Variants in TMC5 observed in about 807,000 individuals in gnomAD.
TMC5 encodes transmembrane channel-like protein 5.
A neutral mutation model predicts 110.5 loss-of-function variants in TMC5; 86 were observed. The observed-to-expected ratio is 0.78, with a 90% confidence interval of 0.65 to 0.93. The LOEUF (loss-of-function observed/expected upper bound fraction) is 0.93, where lower values mean the gene tolerates loss of function less well. TMC5 is among the 40% of genes least tolerant of loss of function. The pLI, the probability that TMC5 is intolerant of heterozygous loss-of-function variation, is 0.00. For missense variants in TMC5, 1,144 were observed against 1,222.8 expected (o/e 0.94, Z 0.96); for synonymous variants, 455 against 439.5 (o/e 1.04, Z -0.44).
chr16:19,487,701 C>CAATCAATA (rs1567326105), intron 17 of TMC5: 1 of 127,838 alleles, frequency 7.8e-6, no homozygotes, highest in East Asian at 2.3e-4. Context: ...GACTCTGTCT[C>CAATCAATA]AATAAATAAA....
chr16:19,455,477 G>A (rs545714505), intron 5 of TMC5, among the ~76,000 whole-genome samples: 1 of 152,132 alleles, frequency 6.6e-6, no homozygotes, highest in East Asian at 1.9e-4. Context: ...AGCATGGAGG[G>A]AGGAAGTGCA....
At chr16:19,486,769 G>A (rs1238859710) in intron 15 of TMC5, among the ~76,000 whole-genome samples, 176 bp from the exon 16 acceptor site, 4 of 152,080 alleles carry the variant, frequency 2.6e-5, no homozygotes, top group Non-Finnish European at 4.4e-5. Flanking sequence ...CAAAGGCCCT[G>A]TCTCCAAATA....
Position 19,490,806 on chromosome 16 carries a change from C to G in TMC5, c.2747+238C>G, listed in dbSNP as rs1212758743. ...CTCTTCTCTTCCCTTCCCCTCCCTC[C>G]CTCTCTTTCTCCCTTTCTCCCTTCC... is the stretch of plus-strand genomic sequence containing the variant. On this transcript the variant is annotated intron_variant, in intron 18 of 21. Coordinates refer to ENST00000542583, the MANE Select transcript of TMC5 (RefSeq NM_001261841.2). 2.1e-5 allele frequency among the ~76,000 whole-genome samples: 3 copies of G among 143,490 alleles called. No individual in the cohort carries two copies. In the East Asian group the frequency reaches 6.5e-4, roughly 31 times the overall value. The allele number at this position is 143,490 out of a possible 152,430, so 94.1% of individuals were successfully genotyped here.
chr16:19,422,945 C>A (rs1438171203), intron 1 of TMC5, among the ~76,000 whole-genome samples: 1 of 152,032 alleles, frequency 6.6e-6, no homozygotes, highest in Non-Finnish European at 1.5e-5. Flanking sequence ...GAGACTCAGT[C>A]TGGATGTTAA....
At chr16:19,445,583 G>A (rs888151747) in intron 4 of TMC5, among the ~76,000 whole-genome samples, 1 of 151,900 alleles carries the variant, frequency 6.6e-6, no homozygotes, top group African/African-American at 2.4e-5. Context: ...ACATGTTCCA[G>A]GAAGCCGTTT....
intron 5 of TMC5, among the ~76,000 whole-genome samples, chr16:19,451,835 G>C (rs530191658): frequency 6.6e-6 from 1 of 152,230 alleles, no homozygotes; most frequent in South Asian, 2.1e-4. Context: ...ATCTCACTCC[G>C]TTATTCAGGC....
At chr16:19,435,359 G>A (rs915751193) in intron 2 of TMC5, among the ~76,000 whole-genome samples, 2 of 151,558 alleles carry the variant, frequency 1.3e-5, no homozygotes, top group African/African-American at 4.8e-5. Context: ...AAAATTAGCC[G>A]GGCATGGTGG....
At chr16:19,443,587 T>A (rs1967538568) in intron 3 of TMC5, among the ~76,000 whole-genome samples, 1 of 152,364 alleles carries the variant, frequency 6.6e-6, no homozygotes, top group African/African-American at 2.4e-5. Context: ...AGGTACCCCA[T>A]GTTTTCCTCT....
chr16:19,440,444 G>A lies in TMC5; in HGVS notation c.406G>A (p.Asp136Asn), dbSNP rs1296358927. 2 of 1,614,066 alleles carry A rather than the reference G, an allele frequency of 1.2e-6. No homozygotes were observed. Among genetic ancestry groups the A allele is most frequent in the Admixed American group, 3.3e-5 (2 of 60,016 alleles). ...CTACCCTGGATCTCAACGAAATCCT[G>A]ATTTTGCAGGCTCCAGCAGCAGTGG... ...PDYPGSQRNPDFAGSSSSGNY... is the reference protein window; with the variant it reads ...PDYPGSQRNPNFAGSSSSGNY... The change falls in exon 3 of 22, where the codon GAT becomes AAT. Residue 136 changes from aspartate (D) to asparagine (N), a missense_variant. Coordinates refer to ENST00000542583, the MANE Select transcript of TMC5 (RefSeq NM_001261841.2).
intron 17 of TMC5, chr16:19,487,701 CAATA>C (rs201239101): frequency 0.36 from 45,804 of 126,576 alleles, 8,725 homozygotes; most frequent in Non-Finnish European, 0.44. Flanking sequence ...GACTCTGTCT[CAATA>C]AATAAATAAA....
At chr16:19,433,674 A>G (rs555886109) in intron 2 of TMC5, among the ~76,000 whole-genome samples, 8 of 152,180 alleles carry the variant, frequency 5.3e-5, no homozygotes, top group Non-Finnish European at 1.0e-4. Context: ...CATAGTGAGT[A>G]TTAGATAACT....
chr16:19,453,849 A>G (rs57778388), intron 5 of TMC5, among the ~76,000 whole-genome samples: 10,703 of 152,170 alleles, frequency 0.07, 761 homozygotes, highest in African/African-American at 0.19. Flanking sequence ...CCTAGGAAGC[A>G]CCTGCCACAT....
intron 3 of TMC5, among the ~76,000 whole-genome samples, chr16:19,441,235 A>C (rs1266941837): frequency 1.3e-5 from 2 of 152,100 alleles, no homozygotes; most frequent in Non-Finnish European, 2.9e-5. Context: ...TCTTTTGGAG[A>C]TCTAACTCCG....
At chr16:19,433,504 C>T (rs1311079431) in intron 2 of TMC5, among the ~76,000 whole-genome samples, 3 of 152,166 alleles carry the variant, frequency 2.0e-5, no homozygotes, top group Non-Finnish European at 4.4e-5. Flanking sequence ...GTTAGAGCTT[C>T]TGAGTGCTTT....
At chr16:19,478,331 G>A (rs144472712) in intron 13 of TMC5, among the ~76,000 whole-genome samples, 52 of 152,254 alleles carry the variant, frequency 3.4e-4, no homozygotes, top group African/African-American at 1.2e-3. Context: ...GCTCTGTTGT[G>A]TCTATACTCA....
upstream of TMC5, among the ~76,000 whole-genome samples, chr16:19,415,998 T>A (rs554383534): frequency 6.6e-6 from 1 of 152,258 alleles, no homozygotes; most frequent in African/African-American, 2.4e-5. Flanking sequence ...CTGGGCAACG[T>A]AGAGAGACCC....
intron 1 of TMC5, among the ~76,000 whole-genome samples, chr16:19,429,214 G>A (rs1298812813): frequency 1.3e-5 from 2 of 152,094 alleles, no homozygotes; most frequent in Non-Finnish European, 2.9e-5. Context: ...ATTTTCTTAG[G>A]CTCCAAGGAG....
chr16:19,488,075 C>T (rs1968797049), intron 17 of TMC5, among the ~76,000 whole-genome samples: 2 of 151,984 alleles, frequency 1.3e-5, no homozygotes, highest in South Asian at 4.2e-4. Flanking sequence ...AGTGGTGGCC[C>T]AGAGTGTGAG....
rs908879545 is a variant in TMC5, at chr16:19,492,919, T to G, written c.2826+691T>G. ...TTTTTTATTTATTAAAACTTAGATA[T>G]ATATATATATATATCTCTCTATAAG... is the stretch of plus-strand genomic sequence containing the variant. On this transcript the variant is annotated intron_variant, in intron 19 of 21. Coordinates refer to ENST00000542583, the MANE Select transcript of TMC5 (RefSeq NM_001261841.2). Among the ~76,000 whole-genome samples, 19 of 110,046 alleles carry G rather than the reference T, an allele frequency of 1.7e-4. 3 individuals are homozygous for G. The highest frequency in any genetic ancestry group is 7.2e-4 in the South Asian group (2 of 2,794). 72.2% of individuals were successfully genotyped at this position (110,046 alleles called of 152,430 possible).
Sources: gnomAD v4.1 joint callset for allele counts (sites outside exome capture counted in the v4.1 genomes callset) on GRCh38, gnomAD v4.1.1 for gene constraint, MANE v1.5 for transcripts, NCBI Gene and HGNC (gene_info 2026-07-23, HGNC 2026-07-21) for gene names.